The following SUGCT variants were observed in gnomAD, a reference collection of about 807,000 sequenced individuals.
SUGCT encodes succinyl-CoA:glutarate CoA-transferase.
A neutral mutation model predicts 55.0 loss-of-function variants in SUGCT; 41 were observed. The ratio of observed to expected loss-of-function variants is 0.74; its 90% CI spans 0.58 to 0.97. The LOEUF (loss-of-function observed/expected upper bound fraction) is 0.97. Ranked by LOEUF, SUGCT falls within the 50% of genes least tolerant of loss-of-function variation. The probability of loss-of-function intolerance (pLI) is 0.00; values close to 1 mark genes in which losing one functional copy is unlikely to be tolerated. For synonymous variants in SUGCT, 187 were observed against 200.4 expected (o/e 0.93, Z 0.56); for missense variants, 568 against 547.8 (o/e 1.04, Z -0.37).
intron 13 of SUGCT, among the ~76,000 whole-genome samples, chr7:40,809,394 A>G (rs1010107734): frequency 2.0e-5 from 3 of 152,142 alleles, no homozygotes; most frequent in Non-Finnish European, 4.4e-5. Context: ...TGGTAACACT[A>G]TATTTTATTC....
chr7:40,280,141 C>G (rs1792857160), intron 8 of SUGCT, among the ~76,000 whole-genome samples: 1 of 152,156 alleles, frequency 6.6e-6, no homozygotes, highest in Admixed American at 6.5e-5. Flanking sequence ...ATTGCCTCAG[C>G]CACAACAAAA....
chr7:40,322,944 G>C (rs1584679224), intron 9 of SUGCT, among the ~76,000 whole-genome samples: 2 of 89,316 alleles, frequency 2.2e-5, no homozygotes, highest in East Asian at 6.6e-4. Flanking sequence ...TAGTCTGAGT[G>C]ACAGAGCGAG....
At chr7:40,997,506 T>TGATA in the SUGCT span, among the ~76,000 whole-genome samples, 5 of 152,116 alleles carry the variant, frequency 3.3e-5, no homozygotes, top group Admixed American at 6.5e-5. Context: ...ACCACCACCC[T>TGATA]GCACACACAC....
At chr7:40,809,259 T>G (rs941619252) in intron 13 of SUGCT, among the ~76,000 whole-genome samples, 9 of 152,168 alleles carry the variant, frequency 5.9e-5, no homozygotes, top group Admixed American at 1.3e-4. Flanking sequence ...TAAGTCAGCT[T>G]TAGCTCATAT....
intron 9 of SUGCT, among the ~76,000 whole-genome samples, chr7:40,405,727 T>C (rs1481536991): frequency 4.0e-5 from 6 of 149,966 alleles, no homozygotes; most frequent in Non-Finnish European, 7.4e-5. Context: ...GGAGAATTGC[T>C]TGAACCTGGG....
chr7:40,514,179 A>T (rs538488134), intron 12 of SUGCT, among the ~76,000 whole-genome samples: 36 of 151,960 alleles, frequency 2.4e-4, no homozygotes, highest in Non-Finnish European at 4.9e-4. Context: ...TTATGCATAG[A>T]AAAGAAGATG....
rs1562994164 is a variant in SUGCT at position 40,772,548 on chromosome 7, ATC to A, written c.1153+23053_1153+23054del. Among the ~76,000 whole-genome samples the A allele has an allele frequency of 4.1e-5, 6 of 145,184 alleles. 1 individual carries two copies. The highest frequency in any genetic ancestry group is 1.5e-4 in the African/African-American group (6 of 39,722). ...TATCTATCTATCTATCTATCTATCT[ATC>A]TATCTATCTATCTGGTGTTATCTAT... On this transcript the variant is annotated intron_variant, in intron 13 of 13. Coordinates refer to ENST00000335693, the MANE Select transcript of SUGCT (RefSeq NM_001193313.2).
chr7:40,712,196 G>C (rs1254396196), intron 12 of SUGCT, among the ~76,000 whole-genome samples: 1 of 152,206 alleles, frequency 6.6e-6, no homozygotes, highest in Non-Finnish European at 1.5e-5. Flanking sequence ...TATTTGTATG[G>C]ATTACTAAAC....
chr7:40,721,931 A>T (rs1786358106), intron 12 of SUGCT, among the ~76,000 whole-genome samples: 1 of 152,228 alleles, frequency 6.6e-6, no homozygotes, highest in African/African-American at 2.4e-5. Context: ...ATGTCCTTTC[A>T]TAGGAGATTT....
At chr7:40,608,225 C>T (rs914203973) in intron 12 of SUGCT, among the ~76,000 whole-genome samples, 1 of 152,116 alleles carries the variant, frequency 6.6e-6, no homozygotes, top group Non-Finnish European at 1.5e-5. Context: ...TTTCCTGCAT[C>T]GTTCCTGAAT....
At position 40,638,315 on chromosome 7, in the gene SUGCT, TTAA is replaced by T. The variant is rs1233936808; in HGVS notation, c.1090-111113_1090-111111del. 2.6e-5 allele frequency among the ~76,000 whole-genome samples: 4 copies of T among 152,200 alleles called. No individual in the cohort carries two copies. In the East Asian group the frequency reaches 5.8e-4, roughly 22 times the overall value. On this transcript the variant is annotated intron_variant, in intron 12 of 13. Transcript: ENST00000335693. ...ATTGAGCAGATTCAAGCTTTTTGCT[TTAA>T]TAATATTACTCTTATTTGCATTCTG...
chr7:40,841,147 C>T (rs1248016322), intron 13 of SUGCT, among the ~76,000 whole-genome samples: 1 of 151,848 alleles, frequency 6.6e-6, no homozygotes, highest in Non-Finnish European at 1.5e-5. Flanking sequence ...AGAGTACTTC[C>T]TTTTTACTTA....
chr7:40,931,532 G>C, the SUGCT span, among the ~76,000 whole-genome samples: 1 of 152,122 alleles, frequency 6.6e-6, no homozygotes. Context: ...CTAGAATTCG[G>C]CTGTAAATCT....
At chr7:40,199,496 A>G (rs1269037432) in intron 6 of SUGCT, among the ~76,000 whole-genome samples, 1 of 152,212 alleles carries the variant, frequency 6.6e-6, no homozygotes, top group Non-Finnish European at 1.5e-5. Flanking sequence ...TCTGAAGGAC[A>G]TATTTATATT....
At chr7:40,221,028 G>A (rs528825082) in intron 6 of SUGCT, among the ~76,000 whole-genome samples, 234 of 152,216 alleles carry the variant, frequency 1.5e-3, no homozygotes, top group Non-Finnish European at 2.7e-3. Flanking sequence ...ATATGAATAT[G>A]GTTAGATCCC....
At chr7:40,220,937 G>A (rs1203932931) in intron 6 of SUGCT, among the ~76,000 whole-genome samples, 1 of 152,120 alleles carries the variant, frequency 6.6e-6, no homozygotes, top group African/African-American at 2.4e-5. Flanking sequence ...CACATTTTCT[G>A]TATTGAAGAT....
intron 6 of SUGCT, among the ~76,000 whole-genome samples, chr7:40,205,434 G>T (rs1466069870): frequency 6.6e-6 from 1 of 151,852 alleles, no homozygotes; most frequent in Admixed American, 6.6e-5. Flanking sequence ...CTGAGGTCAG[G>T]AGTTTGAGAC....
intron 13 of SUGCT, among the ~76,000 whole-genome samples, chr7:40,803,703 G>A (rs1371655897): frequency 6.6e-6 from 1 of 152,112 alleles, no homozygotes; most frequent in Non-Finnish European, 1.5e-5. Context: ...ATATGATCAT[G>A]CAACTAGACA....
intron 13 of SUGCT, among the ~76,000 whole-genome samples, chr7:40,779,369 C>T (rs187801144): frequency 5.3e-5 from 8 of 152,244 alleles, no homozygotes; most frequent in East Asian, 3.9e-4. Flanking sequence ...TTGCATTAAA[C>T]GCTGAACTCT....
Sources: gnomAD v4.1 joint callset for allele counts (sites outside exome capture counted in the v4.1 genomes callset) on GRCh38, gnomAD v4.1.1 for gene constraint, MANE v1.5 for transcripts, NCBI Gene and HGNC (gene_info 2026-07-23, HGNC 2026-07-21) for gene names.